The following TTC7A variants were observed in gnomAD, a reference collection of about 807,000 sequenced individuals.
TTC7A encodes the protein tetratricopeptide repeat domain 7A.
Under a neutral mutation model 103.7 loss-of-function variants are expected in TTC7A, and 110 were observed. The observed-to-expected ratio is 1.06, with a 90% CI of 0.91 to 1.24. TTC7A has a LOEUF of 1.24. Ranked by LOEUF, TTC7A falls within the 50% of genes most tolerant of loss-of-function variation. TTC7A has a pLI of 0.00. For synonymous variants in TTC7A, 521 were observed against 467.9 expected (o/e 1.11, Z -1.47); for missense variants, 1,340 against 1,116.3 (o/e 1.20, Z -2.86).
At chr2:46,986,515 G>T (rs1675027014) in intron 5 of TTC7A, among the ~76,000 whole-genome samples, 1 of 152,146 alleles carries the variant, frequency 6.6e-6, no homozygotes, top group African/African-American at 2.4e-5. Context: ...TGTGCTGGGG[G>T]GGAAAGAGGC....
intron 8 of TTC7A, among the ~76,000 whole-genome samples, chr2:47,000,412 T>A (rs17036028): frequency 0.11 from 16,357 of 152,222 alleles, 1,405 homozygotes; most frequent in African/African-American, 0.24. Flanking sequence ...ACTGCCAGCT[T>A]AGAGCCCTTG....
At chr2:46,986,078 C>T (rs1434264962) in intron 5 of TTC7A, among the ~76,000 whole-genome samples, 2 of 152,168 alleles carry the variant, frequency 1.3e-5, no homozygotes, top group African/African-American at 4.8e-5. Flanking sequence ...GGCACAGTTG[C>T]CCCCAGTGGA....
intron 2 of TTC7A, among the ~76,000 whole-genome samples, chr2:46,952,928 CAAG>C (rs1198340214): frequency 6.6e-6 from 1 of 152,066 alleles, no homozygotes; most frequent in Non-Finnish European, 1.5e-5. Flanking sequence ...TATTTTTCAC[CAAG>C]AAGTTTTATT....
In TTC7A at chr2:46,917,199, GTGCC is replaced by G. The variant is rs1558469323; in HGVS notation, c.5_8del (p.Val2AlafsTer42). ...TTTTTTAAAGAAAAGAGTCTCCATGGTGCCCAGCTCGTCTCGAACTCCTGGGTTC... is the reference window on the plus strand; with the variant it reads ...TTTTTTAAAGAAAAGAGTCTCCATGGCAGCTCGTCTCGAACTCCTGGGTTC... On this transcript the variant is annotated frameshift_variant, in exon 2 of 21. Coordinates refer to the TTC7A transcript ENST00000409245. LOFTEE classifies it high-confidence loss of function. 1.4e-6 allele frequency: 1 copy of G among 699,964 alleles called. No homozygotes were observed. The highest frequency in any genetic ancestry group is 1.5e-5 in the South Asian group (1 of 67,358). 43.4% of individuals were successfully genotyped at this position (699,964 alleles called of 1,614,324 possible).
chr2:47,038,502 T>C (rs550767618), intron 15 of TTC7A, among the ~76,000 whole-genome samples: 1 of 152,330 alleles, frequency 6.6e-6, no homozygotes, highest in South Asian at 2.1e-4. Context: ...CACTCAATTA[T>C]GTGTTTTCTA....
At chr2:47,046,828 G>C in intron 16 of TTC7A, 1 of 231,530 alleles carries the variant, frequency 4.3e-6, no homozygotes, top group South Asian at 8.8e-5. Context: ...AGAATCACTC[G>C]CCTGGTAAGT....
chr2:46,999,872 G>C (rs1676614067), intron 8 of TTC7A: 1 of 985,466 alleles, frequency 1.0e-6, no homozygotes, highest in South Asian at 4.7e-5. Context: ...CAGAGCCCTG[G>C]TGTTGAGAGT....
At position 47,066,420 on chromosome 2, in the gene TTC7A, C is replaced by G. The variant is rs547508335; in HGVS notation, c.2355+5449C>G. Among the ~76,000 whole-genome samples the G allele has an allele frequency of 9.2e-5, 14 of 152,294 alleles. No homozygotes were observed. In the South Asian group the frequency reaches 1.4e-3, roughly 16 times the overall value. On this transcript the variant is annotated intron_variant, in intron 19 of 19. Coordinates refer to ENST00000319190, the MANE Select transcript of TTC7A (RefSeq NM_020458.4). ...ACCTGAGTCACTGAGGGCCAGAGCT[C>G]TGCCCATCCAAGCCCAGAGCCTTTT...
chr2:47,035,946 T>C lies in TTC7A; in HGVS notation c.1802+6562T>C, dbSNP rs548041160. ...ACCAAGGCAATTGCTTCTTTGTGTC[T>C]CAGCCCTGGCTGGGAACCTGCCTTT... On this transcript the variant is annotated intron_variant, in intron 15 of 19. Coordinates refer to ENST00000319190, the MANE Select transcript of TTC7A (RefSeq NM_020458.4). 2.0e-5 allele frequency among the ~76,000 whole-genome samples: 3 copies of C among 152,360 alleles called. No individual in the cohort carries two copies. The East Asian group carries it at 5.8e-4, about 29-fold the overall frequency.
At chr2:46,958,956 T>TA (rs1423548459) in intron 3 of TTC7A, among the ~76,000 whole-genome samples, 1 of 152,198 alleles carries the variant, frequency 6.6e-6, no homozygotes, top group Non-Finnish European at 1.5e-5. Context: ...CCATGCCAGG[T>TA]AGGCCCTCGT....
chr2:47,006,769 G>T lies in TTC7A; in HGVS notation c.1287+45G>T, dbSNP rs544505723. ...AGGGGTTGCACACTCACCCGCAGGGGGCTCTGCTGAGATGGACAGAGGGGC... is the reference window on the plus strand; with the variant it reads ...AGGGGTTGCACACTCACCCGCAGGGTGCTCTGCTGAGATGGACAGAGGGGC... On this transcript the variant is annotated intron_variant, in intron 10 of 19. Transcript: ENST00000319190. The T allele has an allele frequency of 1.1e-4, 157 of 1,477,304 alleles. 2 individuals carry two copies. In the South Asian group the frequency reaches 1.7e-3, roughly 16 times the overall value. 91.5% of individuals were successfully genotyped at this position (1,477,304 alleles called of 1,614,324 possible).
intron 13 of TTC7A, 121 bp downstream of exon 13, chr2:47,023,586 T>C (rs756486632): frequency 9.4e-7 from 1 of 1,064,612 alleles, no homozygotes; most frequent in Non-Finnish European, 1.4e-6. Flanking sequence ...ATTTTACAGA[T>C]GAGGGAACTG....
intron 15 of TTC7A, among the ~76,000 whole-genome samples, chr2:47,039,965 C>A (rs1681556117): frequency 6.6e-6 from 1 of 152,212 alleles, no homozygotes; most frequent in South Asian, 2.1e-4. Flanking sequence ...TCCCCTGGTT[C>A]AGCAGGGGCT....
intron 8 of TTC7A, among the ~76,000 whole-genome samples, chr2:46,996,063 G>A (rs1453200763): frequency 1.3e-5 from 2 of 152,264 alleles, no homozygotes; most frequent in East Asian, 1.9e-4. Context: ...GCACACACTC[G>A]TGCTTGCACA....
chr2:47,054,544 G>A (rs1041392805), intron 18 of TTC7A, among the ~76,000 whole-genome samples: 2 of 152,066 alleles, frequency 1.3e-5, no homozygotes, highest in Non-Finnish European at 2.9e-5. Context: ...TAAAAGTCAG[G>A]GGATCAGGCC....
chr2:46,933,282 T>A (rs1329278135), intron 2 of TTC7A, among the ~76,000 whole-genome samples: 1 of 152,214 alleles, frequency 6.6e-6, no homozygotes, highest in Non-Finnish European at 1.5e-5. Flanking sequence ...GATATTGGTA[T>A]CTCAATCATG....
At chr2:46,943,770 A>T (rs1234492340) in intron 1 of TTC7A, among the ~76,000 whole-genome samples, 1 of 152,154 alleles carries the variant, frequency 6.6e-6, no homozygotes, top group South Asian at 2.1e-4. Flanking sequence ...TTTGACTCTT[A>T]CAAGTCAGTG....
intron 5 of TTC7A, among the ~76,000 whole-genome samples, chr2:46,987,284 G>A (rs1675112962): frequency 6.6e-6 from 1 of 152,214 alleles, no homozygotes; most frequent in African/African-American, 2.4e-5. Context: ...GGGGAGGCGG[G>A]CAATGGCTGC....
chr2:46,989,149 C>A (rs558613588), intron 5 of TTC7A, among the ~76,000 whole-genome samples: 1 of 152,306 alleles, frequency 6.6e-6, no homozygotes, highest in East Asian at 1.9e-4. Flanking sequence ...CCAGAGGCTC[C>A]CCTAAGATGA....
Sources: allele counts gnomAD v4.1 joint callset (sites outside exome capture counted in the v4.1 genomes callset), GRCh38; gene constraint gnomAD v4.1.1; transcripts MANE v1.5; gene names NCBI Gene and HGNC (gene_info 2026-07-23, HGNC 2026-07-21).